USP35: variants seen among roughly 807,000 people sequenced by gnomAD.
USP35 encodes the protein ubiquitin carboxyl-terminal hydrolase 35.
A neutral mutation model predicts 83.8 loss-of-function variants in USP35; 69 were observed. That is an observed-to-expected ratio of 0.82 (90% CI 0.68 to 1.01). The LOEUF is 1.01. Ranked by LOEUF, USP35 falls within the 50% of genes least tolerant of loss-of-function variation. The probability of loss-of-function intolerance (pLI) is 0.00; values close to 1 mark genes in which losing one functional copy is unlikely to be tolerated. For synonymous variants in USP35, 714 were observed against 589.5 expected (o/e 1.21, Z -3.06); for missense variants, 1,503 against 1,362.5 (o/e 1.10, Z -1.62).
chr11:78,227,065 A>G, the USP35 span: 1 of 1,537,050 alleles, frequency 6.5e-7, no homozygotes, highest in Non-Finnish European at 9.0e-7. Flanking sequence ...AAAGAGAAAG[A>G]AGGGAAAGGG....
At chr11:78,208,807 G>A (rs373451351) in intron 8 of USP35, 50 bp from the exon 9 acceptor site, 10 of 1,599,790 alleles carry the variant, frequency 6.3e-6, no homozygotes, top group Non-Finnish European at 8.6e-6. Flanking sequence ...AGAGCTGGCT[G>A]GTGAGTGGCC....
chr11:78,231,573 C>G, the USP35 span, among the ~76,000 whole-genome samples: 1 of 152,324 alleles, frequency 6.6e-6, no homozygotes, highest in Non-Finnish European at 1.5e-5. Context: ...TGGTCTCGAA[C>G]TCCTGACCTC....
chr11:78,188,959 A>T lies in USP35; in HGVS notation c.-209A>T. The T allele has an allele frequency of 3.0e-6, 3 of 985,614 alleles. No individual in the cohort carries two copies. The South Asian group carries it at 1.4e-4, about 46-fold the overall frequency. The allele number at this position is 985,614 out of a possible 1,614,324, so 61.1% of individuals were successfully genotyped here. On this transcript the variant is annotated 5_prime_UTR_variant, in exon 1 of 11. Coordinates refer to ENST00000529308, the MANE Select transcript of USP35 (RefSeq NM_020798.4). ...CCGCAGAGTCGGGCTTCCTGGATAC[A>T]TAGAGGCTTGTGCCAGGCGGGGTGG... is the stretch of plus-strand genomic sequence containing the variant.
Position 78,198,006 on chromosome 11 carries a change from T to C in USP35, c.744T>C (p.Val248=), listed in dbSNP as rs748595874. The C allele has an allele frequency of 6.8e-6, 11 of 1,614,248 alleles. No individual in the cohort carries two copies. The highest frequency in any genetic ancestry group is 8.5e-6 in the Non-Finnish European group (10 of 1,180,032). ...TCCCATTGGAGCTCATGGATGGTGTTGTCCGGAACCTCAGCAATGATGACA... is the reference window on the plus strand; with the variant it reads ...TCCCATTGGAGCTCATGGATGGTGTCGTCCGGAACCTCAGCAATGATGACA... ...QHLPLELMDG[V]VRNLSNDDSV... The change falls in exon 3 of 11, where the codon GTT becomes GTC. Residue 248 remains valine, a synonymous_variant. Coordinates refer to ENST00000529308, the MANE Select transcript of USP35 (RefSeq NM_020798.4).
the USP35 span, chr11:78,225,293 C>T: frequency 1.3e-6 from 1 of 798,196 alleles, no homozygotes. Flanking sequence ...CAAGGTCTTA[C>T]TGATACTCCA....
downstream of USP35, chr11:78,217,073 T>A (rs1228375548): frequency 6.6e-6 from 1 of 152,448 alleles, no homozygotes; most frequent in Non-Finnish European, 1.5e-5. Context: ...TCTGTAAAAA[T>A]CTGACTCATC....
In USP35 at chr11:78,213,769, C is replaced by G; in HGVS notation, c.3013C>G (p.Pro1005Ala). The change falls in exon 11 of 11, where the codon CCT becomes GCT. Residue 1005 changes from proline to alanine, a missense_variant. Physicochemically the swap from Pro to Ala is conservative, Grantham distance 27. Transcript: ENST00000529308. Reference sequence around the variant, plus strand: ...TGAAGGCTCTCCAGGGGGCTGCAATCCTGCAGGTGGCAATGGTGGTGACTT... The same window carrying G: ...TGAAGGCTCTCCAGGGGGCTGCAATGCTGCAGGTGGCAATGGTGGTGACTT... ...EDEGSPGGCN[P>A]AGGNGGDFHR... The G allele has an allele frequency of 6.5e-7, 1 of 1,548,850 alleles. No homozygotes were observed. Among genetic ancestry groups the G allele is most frequent in the Middle Eastern group, 1.7e-4 (1 of 5,868 alleles).
chr11:78,200,706 G>C lies in USP35; in HGVS notation c.1095G>C (p.Ser365=). Residue 365 remains serine (S), a synonymous_variant, in exon 6 of 11, where the codon TCG becomes TCC. Coordinates refer to ENST00000529308, the MANE Select transcript of USP35 (RefSeq NM_020798.4). ...VASLVKEDSN[S]GTSCLEQLAE... is the part of the protein sequence containing the mutation. ...CTCTGGTCAAGGAGGACTCGAACTC[G>C]GGGACCAGCTGCCTGGAGCAGCTGG... 1 of 1,614,056 alleles carries C rather than the reference G, an allele frequency of 6.2e-7. No homozygotes were observed. Among genetic ancestry groups the C allele is most frequent in the Non-Finnish European group, 8.5e-7 (1 of 1,179,968 alleles).
intron 6 of USP35, among the ~76,000 whole-genome samples, chr11:78,204,136 C>T (rs575658114): frequency 2.3e-4 from 35 of 152,054 alleles, no homozygotes; most frequent in Non-Finnish European, 2.4e-4. Context: ...GTGATCCGCC[C>T]GCCTCGGCCT....
chr11:78,194,158 A>C (rs1485335280), intron 1 of USP35, among the ~76,000 whole-genome samples: 1 of 146,584 alleles, frequency 6.8e-6, no homozygotes, highest in Non-Finnish European at 1.5e-5. Context: ...AACTCTTAAG[A>C]GGCACACACT....
chr11:78,228,349 T>G, the USP35 span, among the ~76,000 whole-genome samples: 1 of 152,202 alleles, frequency 6.6e-6, no homozygotes, highest in Admixed American at 6.5e-5. Flanking sequence ...GAATCAATCC[T>G]TTGTAGCAGG....
the USP35 span, among the ~76,000 whole-genome samples, chr11:78,223,896 C>T: frequency 2.6e-5 from 4 of 152,170 alleles, no homozygotes; most frequent in South Asian, 8.3e-4. Context: ...GCTTGGCCAA[C>T]ATGGCAAAAC....
chr11:78,232,773 A>G, the USP35 span, among the ~76,000 whole-genome samples: 1 of 152,224 alleles, frequency 6.6e-6, no homozygotes, highest in Non-Finnish European at 1.5e-5. Context: ...GAAGGCTGGT[A>G]TTAGTAGCCT....
At chr11:78,208,314 T>C (rs1863599620) in intron 8 of USP35, among the ~76,000 whole-genome samples, 2 of 152,194 alleles carry the variant, frequency 1.3e-5, no homozygotes, top group South Asian at 4.1e-4. Context: ...TCTGCTGTTA[T>C]TTTTGAGTAC....
rs752705993 is a variant in USP35, at chr11:78,209,979, AGAG to A, written c.2132_2134del (p.Glu711del). ...CCAGAGGGGAAGGAGAGAGGGAGAAAGAGGAGGAGGTGGAAGAGGAAGAAGAGA... is the reference window on the plus strand; with the variant it reads ...CCAGAGGGGAAGGAGAGAGGGAGAAAGAGGAGGTGGAAGAGGAAGAAGAGA... On this transcript the variant is annotated inframe_deletion, in exon 10 of 11. Transcript: ENST00000529308. The A allele has an allele frequency of 2.9e-5, 46 of 1,612,562 alleles. No individual in the cohort carries two copies. Among genetic ancestry groups the A allele is most frequent in the Middle Eastern group, 1.6e-4 (1 of 6,066 alleles).
chr11:78,200,261 G>C (rs938196957), intron 5 of USP35, 27 bp downstream of exon 5: 2 of 1,610,546 alleles, frequency 1.2e-6, no homozygotes, highest in Admixed American at 1.7e-5. Flanking sequence ...GCTGCCCCTG[G>C]TGAGGCCCCT....
At chr11:78,200,051 C>G (rs930333188) in intron 4 of USP35, 82 bp from the exon 5 acceptor site, 3 of 1,475,478 alleles carry the variant, frequency 2.0e-6, no homozygotes, top group Non-Finnish European at 2.8e-6. Context: ...TAGGGTGTCT[C>G]TGAGTCCCCT....
the USP35 span, among the ~76,000 whole-genome samples, chr11:78,232,832 G>T: frequency 5.9e-5 from 9 of 152,136 alleles, no homozygotes; most frequent in Non-Finnish European, 1.3e-4. Flanking sequence ...GAGGCAGGAT[G>T]AATGGGCTGA....
intron 10 of USP35, among the ~76,000 whole-genome samples, chr11:78,211,065 GT>G (rs1863753171): frequency 6.6e-6 from 1 of 152,130 alleles, no homozygotes; most frequent in Non-Finnish European, 1.5e-5. Flanking sequence ...CCCTGTATCT[GT>G]TAGCTATTCT....
Sources: allele counts gnomAD v4.1 joint callset (sites outside exome capture counted in the v4.1 genomes callset), GRCh38; gene constraint gnomAD v4.1.1; transcripts MANE v1.5; gene names NCBI Gene and HGNC (gene_info 2026-07-23, HGNC 2026-07-21).